Variants in CDH4 observed in about 807,000 individuals in gnomAD.
CDH4 encodes cadherin 4, also known as cadherin-4.
CDH4 carries 33 observed loss-of-function variants against 86.0 expected under a neutral mutation model. The ratio of observed to expected loss-of-function variants is 0.38; its 90% CI spans 0.29 to 0.51. CDH4 has a LOEUF of 0.51. Among genes scored for constraint, CDH4 ranks in the 20% least tolerant of loss-of-function variants. The pLI, the probability that CDH4 is intolerant of heterozygous loss-of-function variation, is 0.86. For missense variants in CDH4, 1,114 were observed against 1,307.4 expected (o/e 0.85, Z 2.28); for synonymous variants, 555 against 549.4 (o/e 1.01, Z -0.14).
chr20:61,497,974 G>A (rs1316195862), intron 2 of CDH4, among the ~76,000 whole-genome samples: 57 of 146,642 alleles, frequency 3.9e-4, no homozygotes, highest in Middle Eastern at 3.6e-3. Flanking sequence ...ACCAAACACC[G>A]CATGTTCTCA....
intron 4 of CDH4, among the ~76,000 whole-genome samples, chr20:61,803,711 C>T (rs947205029): frequency 2.0e-5 from 3 of 152,208 alleles, no homozygotes; most frequent in Admixed American, 6.5e-5. Flanking sequence ...TGGAAGGAAA[C>T]GTTCAACTGT....
chr20:61,791,987 C>T (rs1979227162), intron 4 of CDH4, among the ~76,000 whole-genome samples: 2 of 152,250 alleles, frequency 1.3e-5, no homozygotes, highest in South Asian at 4.1e-4. Context: ...AAAAAGCCTG[C>T]AAGGAGCCAT....
intron 2 of CDH4, among the ~76,000 whole-genome samples, chr20:61,565,845 C>T (rs961741170): frequency 3.9e-5 from 6 of 152,216 alleles, no homozygotes; most frequent in East Asian, 1.9e-4. Context: ...CCTGCCTGGA[C>T]GCTGTCATGA....
At chr20:61,863,282 C>A (rs939666113) in intron 6 of CDH4, among the ~76,000 whole-genome samples, 2 of 152,224 alleles carry the variant, frequency 1.3e-5, no homozygotes, top group Admixed American at 1.3e-4. Flanking sequence ...TCCTCACCTG[C>A]AGCCGGGGCG....
intron 2 of CDH4, among the ~76,000 whole-genome samples, chr20:61,460,499 T>A (rs901236344): frequency 3.9e-4 from 60 of 152,272 alleles, no homozygotes; most frequent in African/African-American, 1.4e-3. Flanking sequence ...GCCCCCGGCC[T>A]CACCTGCCGC....
intron 2 of CDH4, among the ~76,000 whole-genome samples, chr20:61,519,945 G>A (rs565409383): frequency 6.6e-6 from 1 of 152,278 alleles, no homozygotes; most frequent in South Asian, 2.1e-4. Flanking sequence ...ACCAACTGCT[G>A]GGCCACATGG....
chr20:61,903,202 A>G (rs144797396), intron 8 of CDH4, among the ~76,000 whole-genome samples: 70 of 152,280 alleles, frequency 4.6e-4, no homozygotes, highest in African/African-American at 1.7e-3. Flanking sequence ...AGCTACAGAG[A>G]AAACCAAAGC....
intron 2 of CDH4, among the ~76,000 whole-genome samples, chr20:61,263,106 G>T (rs562400669): frequency 6.6e-6 from 1 of 152,062 alleles, no homozygotes; most frequent in East Asian, 1.9e-4. Context: ...GCTTCTTTCC[G>T]TCAAGGGCGG....
intron 2 of CDH4, chr20:61,570,713 A>G: frequency 1.4e-6 from 1 of 702,376 alleles, no homozygotes; most frequent in South Asian, 1.5e-5. Flanking sequence ...GTCAACAGGG[A>G]TGCTTCACGG....
At chr20:61,321,797 A>G (rs1233791785) in intron 2 of CDH4, among the ~76,000 whole-genome samples, 5 of 152,210 alleles carry the variant, frequency 3.3e-5, no homozygotes, top group Non-Finnish European at 7.3e-5. Flanking sequence ...TGATGTTAAC[A>G]GGTGACAGCA....
chr20:61,588,013 C>T (rs2086491110), intron 2 of CDH4, among the ~76,000 whole-genome samples: 1 of 152,166 alleles, frequency 6.6e-6, no homozygotes, highest in Non-Finnish European at 1.5e-5. Flanking sequence ...TTTTCCGTGG[C>T]ATTTTAAAAA....
chr20:61,725,671 G>A lies in CDH4; in HGVS notation c.170-17892G>A, dbSNP rs137862740. On this transcript the variant is annotated intron_variant, in intron 2 of 15. Transcript: ENST00000614565. ...GTGCAAGCAGAAACCAACCCTGGAC[G>A]CCCGTCAAGAGTCGCCCCTACCTCC... 5.4e-3 allele frequency among the ~76,000 whole-genome samples: 816 copies of A among 152,112 alleles called. 4 individuals are homozygous for A. Among genetic ancestry groups the A allele is most frequent in the Non-Finnish European group, 8.7e-3 (592 of 68,020 alleles).
At chr20:61,291,252 T>C (rs2084319008) in intron 2 of CDH4, among the ~76,000 whole-genome samples, 1 of 152,218 alleles carries the variant, frequency 6.6e-6, no homozygotes, top group African/African-American at 2.4e-5. Flanking sequence ...TGAGTGTCTT[T>C]ATTTGGACAA....
At chr20:61,343,147 G>T (rs768218940) in intron 2 of CDH4, among the ~76,000 whole-genome samples, 1 of 152,238 alleles carries the variant, frequency 6.6e-6, no homozygotes, top group Non-Finnish European at 1.5e-5. Flanking sequence ...ATGCTCATTC[G>T]TGCTGTGGCT....
chr20:61,574,562 A>C (rs548850814), intron 2 of CDH4, among the ~76,000 whole-genome samples: 1 of 151,686 alleles, frequency 6.6e-6, no homozygotes, highest in Non-Finnish European at 1.5e-5. Context: ...TTATTTAATT[A>C]CAGAGAAAAA....
In CDH4 at chr20:61,663,608, G is replaced by C. The variant is rs1291162557; in HGVS notation, c.170-79955G>C. On this transcript the variant is annotated intron_variant, in intron 2 of 15. Coordinates refer to ENST00000614565, the MANE Select transcript of CDH4 (RefSeq NM_001794.5). The surrounding 1 kb of genome is among the most constrained non-coding windows in gnomAD (Gnocchi z 5.0). ...CGGGAGCTGCTGGGACGGCAGGACCGGGTGTGTGTGTCCAAGAGACCATCT... is the reference window on the plus strand; with the variant it reads ...CGGGAGCTGCTGGGACGGCAGGACCCGGTGTGTGTGTCCAAGAGACCATCT... Among the ~76,000 whole-genome samples the C allele has an allele frequency of 6.6e-6, 1 of 152,136 alleles. No homozygotes were observed. Among genetic ancestry groups the C allele is most frequent in the Non-Finnish European group, 1.5e-5 (1 of 68,014 alleles).
At position 61,600,012 on chromosome 20, in the gene CDH4, A is replaced by C. The variant is rs540042058; in HGVS notation, c.170-143551A>C. 9.9e-6 allele frequency: 9 copies of C among 909,838 alleles called. No individual in the cohort carries two copies. The African/African-American group carries it at 1.6e-4, about 16-fold the overall frequency. The allele number at this position is 909,838 out of a possible 1,614,324, so 56.4% of individuals were successfully genotyped here. A position where few individuals can be genotyped will look rare whatever the true frequency, so the allele number is the denominator to read the frequency against. On this transcript the variant is annotated intron_variant, in intron 2 of 15. Transcript: ENST00000614565. Reference sequence around the variant, plus strand: ...CAGGTACCCCGTGCTAATGATGGGGAAAGTGTGAAGGGTTTATTATAATTT... The same window carrying C: ...CAGGTACCCCGTGCTAATGATGGGGCAAGTGTGAAGGGTTTATTATAATTT...
intron 2 of CDH4, among the ~76,000 whole-genome samples, chr20:61,270,959 C>T (rs117931818): frequency 0.022 from 3,358 of 152,152 alleles, 49 homozygotes; most frequent in Admixed American, 0.037. Flanking sequence ...TTATTGCGGT[C>T]GATCTAGCCG....
intron 2 of CDH4, among the ~76,000 whole-genome samples, chr20:61,266,928 G>A (rs545157331): frequency 1.4e-4 from 22 of 152,142 alleles, no homozygotes; most frequent in Non-Finnish European, 3.2e-4. Flanking sequence ...GATTACCTGG[G>A]TGGGCCGTAA....
Sources: gnomAD v4.1 joint callset for allele counts (sites outside exome capture counted in the v4.1 genomes callset) on GRCh38, gnomAD v4.1.1 for gene constraint, Gnocchi (gnomAD v3.1) non-coding constraint, MANE v1.5 for transcripts, NCBI Gene and HGNC (gene_info 2026-07-23, HGNC 2026-07-21) for gene names.